Variants in TLN2 observed in about 807,000 individuals in gnomAD.
TLN2 encodes the protein talin-2.
TLN2 carries 118 observed loss-of-function variants against 294.7 expected under a neutral mutation model. That is an observed-to-expected ratio of 0.40 (90% CI 0.34 to 0.47). The LOEUF is 0.47. Ranked by LOEUF, TLN2 falls within the 20% of genes least tolerant of loss-of-function variation. TLN2 has a pLI of 0.84. For missense variants in TLN2, 3,083 were observed against 3,282.2 expected (o/e 0.94, Z 1.48); for synonymous variants, 1,431 against 1,304.5 (o/e 1.10, Z -2.09).
At position 62,514,907 on chromosome 15, in the gene TLN2, T is replaced by A. The variant is rs190026297; in HGVS notation, c.-237-74780T>A. Among the ~76,000 whole-genome samples the A allele has an allele frequency of 2.4e-3, 363 of 152,298 alleles. 1 individual carries two copies. The highest frequency in any genetic ancestry group is 8.4e-3 in the African/African-American group (350 of 41,566). On this transcript the variant is annotated intron_variant, in intron 1 of 58. Transcript: ENST00000636159. ...GAGAGTAAATATGCAAAATGCCATT[T>A]AAAAAAATATAACTCACTTACACCA...
In TLN2 at chr15:62,840,651, G is replaced by C. The variant is rs2070569330; in HGVS notation, c.*41G>C. The C allele has an allele frequency of 6.2e-7, 1 of 1,604,528 alleles. No individual in the cohort carries two copies. Among genetic ancestry groups the C allele is most frequent in the African/African-American group, 1.3e-5 (1 of 74,546 alleles). On this transcript the variant is annotated 3_prime_UTR_variant, in exon 59 of 59. Transcript: ENST00000636159. ...TGGCGAGCCCCAGGGGATGGCCCTGGCTGAACTGGACAGACAGTGTTCCTG... is the reference window on the plus strand; with the variant it reads ...TGGCGAGCCCCAGGGGATGGCCCTGCCTGAACTGGACAGACAGTGTTCCTG...
Position 62,698,762 on chromosome 15 carries a change from C to T in TLN2, c.1482C>T (p.Ala494=). 15 of 1,610,232 alleles carry T rather than the reference C, an allele frequency of 9.3e-6. No individual in the cohort carries two copies. Among genetic ancestry groups the T allele is most frequent in the Non-Finnish European group, 1.3e-5 (15 of 1,179,860 alleles). Residue 494 remains alanine, a synonymous_variant, in exon 16 of 59, where the codon GCC becomes GCT. Coordinates refer to ENST00000636159, the MANE Select transcript of TLN2 (RefSeq NM_015059.3). ...HRGHMPPLTS[A]QQALMGTINT... Reference sequence around the variant, plus strand: ...TTCATTTGCCTTTGCAGACCTCAGCCCAGCAGGCCCTGATGGGGACCATCA... The same window carrying T: ...TTCATTTGCCTTTGCAGACCTCAGCTCAGCAGGCCCTGATGGGGACCATCA...
intron 1 of TLN2, among the ~76,000 whole-genome samples, chr15:62,400,493 A>T (rs539692768): frequency 6.6e-6 from 1 of 152,362 alleles, no homozygotes; most frequent in East Asian, 1.9e-4. Context: ...TATATGTTTC[A>T]TCAGCAGTGA....
At chr15:62,741,128 T>C (rs1035478986) in intron 32 of TLN2, among the ~76,000 whole-genome samples, 1 of 152,148 alleles carries the variant, frequency 6.6e-6, no homozygotes, top group African/African-American at 2.4e-5. Context: ...CATCAGAAAA[T>C]ACTGAAAAGC....
intron 34 of TLN2, 42 bp downstream of exon 34, chr15:62,750,533 G>T (rs776322499): frequency 1.9e-6 from 3 of 1,551,180 alleles, no homozygotes; most frequent in African/African-American, 2.7e-5. Context: ...AGCATTGCTT[G>T]TCAATGTGGG....
chr15:62,709,603 C>T (rs948976242), intron 21 of TLN2, among the ~76,000 whole-genome samples: 17 of 152,180 alleles, frequency 1.1e-4, no homozygotes, highest in Admixed American at 2.0e-4. Flanking sequence ...TAAAAACATA[C>T]GCAATACACC....
intron 48 of TLN2, among the ~76,000 whole-genome samples, chr15:62,799,732 G>A (rs1367709200): frequency 6.6e-6 from 1 of 152,328 alleles, no homozygotes; most frequent in Admixed American, 6.5e-5. Flanking sequence ...TAAATAAAAC[G>A]GCAACCTGAC....
intron 32 of TLN2, among the ~76,000 whole-genome samples, chr15:62,743,152 A>T (rs2061431683): frequency 6.6e-6 from 1 of 152,172 alleles, no homozygotes; most frequent in Admixed American, 6.5e-5. Flanking sequence ...CCTGCATAAA[A>T]GTGCACAGGA....
At chr15:62,391,288 C>T (rs966269367) in intron 1 of TLN2, among the ~76,000 whole-genome samples, 10 of 152,252 alleles carry the variant, frequency 6.6e-5, no homozygotes, top group African/African-American at 2.4e-4. Flanking sequence ...CCACGACTGC[C>T]CTTTACTTGG....
At chr15:62,771,665 C>T (rs998473386) in intron 42 of TLN2, among the ~76,000 whole-genome samples, 1 of 152,180 alleles carries the variant, frequency 6.6e-6, no homozygotes, top group Non-Finnish European at 1.5e-5. Context: ...AACTTGGGAA[C>T]TGAAGAAGAG....
intron 48 of TLN2, 48 bp downstream of exon 48, chr15:62,797,450 G>A (rs756052280): frequency 2.1e-5 from 32 of 1,524,092 alleles, no homozygotes; most frequent in African/African-American, 9.7e-5. Context: ...TCCCGTGAAC[G>A]CTGCACATCG....
intron 3 of TLN2, among the ~76,000 whole-genome samples, chr15:62,619,066 C>G (rs776901325): frequency 4.0e-5 from 6 of 151,298 alleles, no homozygotes; most frequent in Non-Finnish European, 7.4e-5. Context: ...ATTTATGTTT[C>G]TTGGATGCTG....
At chr15:62,625,965 A>G (rs1158171926) in intron 3 of TLN2, among the ~76,000 whole-genome samples, 1 of 152,184 alleles carries the variant, frequency 6.6e-6, no homozygotes, top group Non-Finnish European at 1.5e-5. Flanking sequence ...TGAGTTCCCC[A>G]TGAAATCTGT....
At chr15:62,448,291 C>T (rs2035930063) in intron 1 of TLN2, among the ~76,000 whole-genome samples, 1 of 152,188 alleles carries the variant, frequency 6.6e-6, no homozygotes, top group Non-Finnish European at 1.5e-5. Flanking sequence ...TATAGCTGCT[C>T]TTGAACAAGT....
chr15:62,716,481 C>G (rs2059779567), intron 23 of TLN2, 22 bp downstream of exon 23: 2 of 1,578,202 alleles, frequency 1.3e-6, no homozygotes, highest in Admixed American at 1.9e-5. Flanking sequence ...GGCTGCCTTT[C>G]TGGGATGCCC....
chr15:62,763,597 T>C lies in TLN2; in HGVS notation c.4996T>C (p.Ser1666Pro). 1 of 1,613,634 alleles carries C rather than the reference T, an allele frequency of 6.2e-7. No homozygotes were observed. The highest frequency in any genetic ancestry group is 8.5e-7 in the Non-Finnish European group (1 of 1,179,816). Residue 1666 changes from serine (S) to proline (P), a missense_variant, in exon 40 of 59, where the codon TCC becomes CCC. Physicochemically the swap from Ser to Pro is moderately conservative, Grantham distance 74. Transcript: ENST00000636159. ...CCCTGGACAGAGGGAGTGTGATTAC[T>C]CCATCGATGGCATCAACCGGTGCAT... ...KAPGQRECDYSIDGINRCIRD... is the reference protein window; with the variant it reads ...KAPGQRECDYPIDGINRCIRD...
chr15:62,837,208 T>TCTCTGACCCA (rs2069785260), intron 57 of TLN2, among the ~76,000 whole-genome samples: 1 of 152,192 alleles, frequency 6.6e-6, no homozygotes, highest in Non-Finnish European at 1.5e-5. Flanking sequence ...CTTGAGTCCC[T>TCTCTGACCCA]CTCTGACCCA....
chr15:62,501,151 G>A (rs1053451704), intron 1 of TLN2, among the ~76,000 whole-genome samples: 2 of 152,232 alleles, frequency 1.3e-5, no homozygotes, highest in Non-Finnish European at 2.9e-5. Flanking sequence ...GGCTGAAGGA[G>A]CTTGGGACAG....
chr15:62,716,570 G>A, intron 23 of TLN2, 111 bp downstream of exon 23: 4 of 1,371,898 alleles, frequency 2.9e-6, no homozygotes, highest in Non-Finnish European at 3.8e-6. Context: ...CCAAGTCAAG[G>A]TTCACATCAT....
Sources: gnomAD v4.1 joint callset for allele counts (sites outside exome capture counted in the v4.1 genomes callset) on GRCh38, gnomAD v4.1.1 for gene constraint, MANE v1.5 for transcripts, NCBI Gene and HGNC (gene_info 2026-07-23, HGNC 2026-07-21) for gene names.